Variants in TSPAN2 observed in about 807,000 individuals in gnomAD.
TSPAN2 encodes the protein tetraspanin 2.
A neutral mutation model predicts 33.3 loss-of-function variants in TSPAN2; 24 were observed. The ratio of observed to expected loss-of-function variants is 0.72; its 90% CI spans 0.52 to 1.01. The LOEUF (loss-of-function observed/expected upper bound fraction) is 1.01, where lower values mean the gene tolerates loss of function less well. Ranked by LOEUF, TSPAN2 falls within the 50% of genes least tolerant of loss-of-function variation. The probability of loss-of-function intolerance (pLI) is 0.00; values close to 1 mark genes in which losing one functional copy is unlikely to be tolerated. For missense variants in TSPAN2, 278 were observed against 281.3 expected, an observed-to-expected ratio of 0.99 and a Z score of 0.08; for synonymous variants, 114 against 104.5, an observed-to-expected ratio of 1.09 and a Z score of -0.56.
intron 6 of TSPAN2, among the ~76,000 whole-genome samples, chr1:115,055,246 T>C (rs953373391): frequency 6.6e-6 from 1 of 152,174 alleles, no homozygotes; most frequent in Non-Finnish European, 1.5e-5. Context: ...CAGCTTCTTT[T>C]TGTAAAAAAC....
chr1:115,049,292 A>G lies in TSPAN2; in HGVS notation c.*1198T>C, dbSNP rs1483667283. Reference sequence around the variant, plus strand: ...ATTTTTGTTCTGTGTATATATAAGTATTTTTGTTTCCTTAACTTGTTTCTG... The same window carrying G: ...ATTTTTGTTCTGTGTATATATAAGTGTTTTTGTTTCCTTAACTTGTTTCTG... On this transcript the variant is annotated 3_prime_UTR_variant, in exon 8 of 8. Coordinates refer to ENST00000369516, the MANE Select transcript of TSPAN2 (RefSeq NM_005725.6). 2.6e-5 allele frequency: 4 copies of G among 152,520 alleles called. No individual in the cohort carries two copies. The East Asian group carries it at 5.8e-4, about 22-fold the overall frequency. The allele number at this position is 152,520 out of a possible 1,614,324, so 9.4% of individuals were successfully genotyped here. A position where few individuals can be genotyped will look rare whatever the true frequency, so the allele number is the denominator to read the frequency against.
At position 115,072,935 on chromosome 1, in the gene TSPAN2, C is replaced by T. The variant is rs781641973; in HGVS notation, c.142G>A (p.Glu48Lys). 6.2e-7 allele frequency: 1 copy of T among 1,614,092 alleles called. No homozygotes were observed. The highest frequency in any genetic ancestry group is 1.3e-5 in the African/African-American group (1 of 74,934). Reference sequence around the variant, plus strand: ...TAGAAATACTCTGGGGACTTGTCCTCTGATGATAACTCCTTTATGGCACCT... The same window carrying T: ...TAGAAATACTCTGGGGACTTGTCCTTTGATGATAACTCCTTTATGGCACCT... ...FGGAIKELSS[E>K]DKSPEYFYVG... The change falls in exon 2 of 8, where the codon GAG becomes AAG. Residue 48 changes from glutamate (E) to lysine (K), a missense_variant. By Grantham distance (56) the Glu-to-Lys change is moderately conservative (BLOSUM62 1). Coordinates refer to ENST00000369516, the MANE Select transcript of TSPAN2 (RefSeq NM_005725.6).
In TSPAN2 at chr1:115,050,247, G is replaced by T. The variant is rs938912272; in HGVS notation, c.*243C>A. ...ATTCCCAGCAAACAGATTTCATTAC[G>T]TATAAAGCATATTCCAGAAACACGC... is the stretch of plus-strand genomic sequence containing the variant. On this transcript the variant is annotated 3_prime_UTR_variant, in exon 8 of 8. Coordinates refer to ENST00000369516, the MANE Select transcript of TSPAN2 (RefSeq NM_005725.6). The T allele has an allele frequency of 8.6e-5, 44 of 511,258 alleles. No homozygotes were observed. The highest frequency in any genetic ancestry group is 1.2e-4 in the Non-Finnish European group (34 of 290,040). The allele number at this position is 511,258 out of a possible 1,614,324, so 31.7% of individuals were successfully genotyped here. A position where few individuals can be genotyped will look rare whatever the true frequency, so the allele number is the denominator to read the frequency against.
chr1:115,081,129 G>T (rs1472869660), intron 1 of TSPAN2, among the ~76,000 whole-genome samples: 1 of 152,204 alleles, frequency 6.6e-6, no homozygotes, highest in African/African-American at 2.4e-5. Flanking sequence ...AGTTAGCATG[G>T]GTGGAATCTA....
intron 6 of TSPAN2, among the ~76,000 whole-genome samples, chr1:115,054,682 T>C (rs1024214907): frequency 2.6e-5 from 4 of 152,172 alleles, no homozygotes; most frequent in African/African-American, 9.7e-5. Context: ...AGAGGTGCCC[T>C]TCTCTGTTGA....
chr1:115,050,275 A>G lies in TSPAN2; in HGVS notation c.*215T>C. 1.7e-6 allele frequency: 1 copy of G among 590,174 alleles called. No homozygotes were observed. Among genetic ancestry groups the G allele is most frequent in the South Asian group, 2.0e-5 (1 of 49,464 alleles). The allele number at this position is 590,174 out of a possible 1,614,324, so 36.6% of individuals were successfully genotyped here. ...TAAAGCATATTCCAGAAACACGCAG[A>G]TCACACATGAATATGCTCTCAGTCA... On this transcript the variant is annotated 3_prime_UTR_variant, in exon 8 of 8. Coordinates refer to ENST00000369516, the MANE Select transcript of TSPAN2 (RefSeq NM_005725.6).
intron 7 of TSPAN2, among the ~76,000 whole-genome samples, chr1:115,051,292 C>T (rs1675309054): frequency 6.6e-6 from 1 of 151,998 alleles, no homozygotes; most frequent in South Asian, 2.1e-4. Context: ...GTGACAGAGA[C>T]CCTGTCTCAC....
chr1:115,074,910 C>T (rs970051510), intron 1 of TSPAN2, among the ~76,000 whole-genome samples: 1 of 152,098 alleles, frequency 6.6e-6, no homozygotes, highest in African/African-American at 2.4e-5. Context: ...TGGGACAAGT[C>T]TGCCCAGCAA....
chr1:115,071,031 G>A (rs1648151272), intron 2 of TSPAN2, among the ~76,000 whole-genome samples: 1 of 152,114 alleles, frequency 6.6e-6, no homozygotes, highest in African/African-American at 2.4e-5. Flanking sequence ...AACCATGTGG[G>A]TAGAAAGGAG....
chr1:115,066,950 A>G (rs1242185241), intron 2 of TSPAN2, among the ~76,000 whole-genome samples: 1 of 152,208 alleles, frequency 6.6e-6, no homozygotes, highest in African/African-American at 2.4e-5. Context: ...ATGTGGGGGA[A>G]TTTTGGATTT....
Position 115,048,744 on chromosome 1 carries a change from A to G in TSPAN2, c.*1746T>C, listed in dbSNP as rs1675230047. ...ACATTTCTCAACTACTGGGGTACAAACTATATTTCATGAAGTAATTTTTGT... is the reference window on the plus strand; with the variant it reads ...ACATTTCTCAACTACTGGGGTACAAGCTATATTTCATGAAGTAATTTTTGT... On this transcript the variant is annotated 3_prime_UTR_variant, in exon 8 of 8. Coordinates refer to ENST00000369516, the MANE Select transcript of TSPAN2 (RefSeq NM_005725.6). 6.6e-6 allele frequency: 1 copy of G among 152,080 alleles called. No individual in the cohort carries two copies. Among genetic ancestry groups the G allele is most frequent in the Non-Finnish European group, 1.5e-5 (1 of 67,940 alleles). The allele number at this position is 152,080 out of a possible 1,614,324, so 9.4% of individuals were successfully genotyped here.
intron 7 of TSPAN2, 73 bp downstream of exon 7, chr1:115,053,306 T>C: frequency 7.3e-7 from 1 of 1,368,854 alleles, no homozygotes; most frequent in Non-Finnish European, 1.0e-6. Context: ...ACTATCACAC[T>C]TGAAAAGAAA....
intron 1 of TSPAN2, among the ~76,000 whole-genome samples, chr1:115,086,555 A>G (rs1648843747): frequency 6.6e-6 from 1 of 152,190 alleles, no homozygotes; most frequent in African/African-American, 2.4e-5. Flanking sequence ...TAGATCACAT[A>G]TAGAGAAGGT....
intron 2 of TSPAN2, among the ~76,000 whole-genome samples, chr1:115,064,595 C>G (rs530083568): frequency 4.6e-5 from 7 of 152,338 alleles, no homozygotes; most frequent in South Asian, 2.1e-4. Flanking sequence ...TTCATCCTCT[C>G]TAGAACATGC....
chr1:115,083,627 T>C (rs1319132933), intron 1 of TSPAN2, among the ~76,000 whole-genome samples: 1 of 152,138 alleles, frequency 6.6e-6, no homozygotes, highest in Non-Finnish European at 1.5e-5. Context: ...TGAATCCGAA[T>C]AAAGCTGAAT....
At chr1:115,068,655 G>C (rs1167970498) in intron 2 of TSPAN2, among the ~76,000 whole-genome samples, 1 of 152,162 alleles carries the variant, frequency 6.6e-6, no homozygotes, top group East Asian at 1.9e-4. Flanking sequence ...TTCCTAAAGT[G>C]CTATCACCTC....
chr1:115,059,296 C>T (rs1024161572), intron 4 of TSPAN2, among the ~76,000 whole-genome samples: 3 of 152,132 alleles, frequency 2.0e-5, no homozygotes, highest in Admixed American at 6.5e-5. Flanking sequence ...AAAAATACTG[C>T]CTTTCCATAG....
chr1:115,051,353 A>G (rs1378958360), intron 7 of TSPAN2, among the ~76,000 whole-genome samples: 1 of 152,210 alleles, frequency 6.6e-6, no homozygotes, highest in Non-Finnish European at 1.5e-5. Flanking sequence ...TCCATTTTTA[A>G]GGGCAAACGA....
Position 115,049,945 on chromosome 1 carries a change from A to G in TSPAN2, c.*545T>C, listed in dbSNP as rs1321568771. The G allele has an allele frequency of 6.4e-6, 1 of 156,838 alleles. No individual in the cohort carries two copies. Among genetic ancestry groups the G allele is most frequent in the Non-Finnish European group, 1.4e-5 (1 of 71,372 alleles). The allele number at this position is 156,838 out of a possible 1,614,324, so 9.7% of individuals were successfully genotyped here. On this transcript the variant is annotated 3_prime_UTR_variant, in exon 8 of 8. Transcript: ENST00000369516. ...CTGTGGTTTACTGTATTCTGGGGAG[A>G]GCATGTATATAAAAAAACCCAGGAA...
Sources: gnomAD v4.1 joint callset for allele counts (sites outside exome capture counted in the v4.1 genomes callset) on GRCh38, gnomAD v4.1.1 for gene constraint, MANE v1.5 for transcripts, NCBI Gene and HGNC (gene_info 2026-07-23, HGNC 2026-07-21) for gene names.